RELCH: variants seen among roughly 807,000 people sequenced by gnomAD.
RELCH encodes the protein RAB11-binding protein RELCH.
RELCH carries 41 observed loss-of-function variants against 150.3 expected under a neutral mutation model. The ratio of observed to expected loss-of-function variants is 0.27; its 90% CI spans 0.21 to 0.35. RELCH has a LOEUF of 0.35. RELCH is among the 10% of genes least tolerant of loss of function. RELCH has a pLI of 1.00. For missense variants in RELCH, 1,092 were observed against 1,467.8 expected, an observed-to-expected ratio of 0.74 and a Z score of 4.18; for synonymous variants, 478 against 531.8, an observed-to-expected ratio of 0.90 and a Z score of 1.39.
At chr18:62,214,832 G>A (rs886739587) in intron 2 of RELCH, among the ~76,000 whole-genome samples, 7 of 152,058 alleles carry the variant, frequency 4.6e-5, no homozygotes, top group African/African-American at 1.2e-4. Flanking sequence ...GTTTTGAGGG[G>A]ACTTTGAGCA....
intron 26 of RELCH, among the ~76,000 whole-genome samples, chr18:62,289,113 A>G (rs1191787847): frequency 2.0e-5 from 3 of 152,202 alleles, no homozygotes; most frequent in Admixed American, 6.5e-5. Flanking sequence ...ATAGAAATCT[A>G]TATAAAAGGA....
chr18:62,244,912 T>C lies in RELCH; in HGVS notation c.1733+36T>C, dbSNP rs192274432. 2.2e-5 allele frequency: 30 copies of C among 1,335,176 alleles called. No homozygotes were observed. In the Admixed American group the frequency reaches 3.7e-4, roughly 16 times the overall value. 82.7% of individuals were successfully genotyped at this position (1,335,176 alleles called of 1,614,324 possible). A position where few individuals can be genotyped will look rare whatever the true frequency, so the allele number is the denominator to read the frequency against. On this transcript the variant is annotated intron_variant, in intron 11 of 28. Transcript: ENST00000644646. Reference sequence around the variant, plus strand: ...TTACATATGTGAAAAAGAAATACAATGTGACTTACTGATTTTAACTAATTA... The same window carrying C: ...TTACATATGTGAAAAAGAAATACAACGTGACTTACTGATTTTAACTAATTA...
In RELCH at chr18:62,261,425, A is replaced by G. The variant is rs531174023; in HGVS notation, c.2203-86A>G. On this transcript the variant is annotated intron_variant, in intron 15 of 28. Transcript: ENST00000644646. ...AAGGTCCTTAAATCTTTGATTTGCC[A>G]CAGTAAGGAAGAACATCATACATAA... 7.2e-6 allele frequency: 9 copies of G among 1,245,696 alleles called. No homozygotes were observed. In the South Asian group the frequency reaches 1.2e-4, roughly 16 times the overall value. 77.2% of individuals were successfully genotyped at this position (1,245,696 alleles called of 1,614,324 possible). A position where few individuals can be genotyped will look rare whatever the true frequency, so the allele number is the denominator to read the frequency against.
At chr18:62,297,384 G>T (rs1330784219) in intron 27 of RELCH, among the ~76,000 whole-genome samples, 1 of 151,896 alleles carries the variant, frequency 6.6e-6, no homozygotes, top group Non-Finnish European at 1.5e-5. Context: ...AAGATTACCA[G>T]TCATTTAGAA....
intron 16 of RELCH, among the ~76,000 whole-genome samples, chr18:62,263,328 A>G (rs1307231922): frequency 6.6e-6 from 1 of 151,988 alleles, no homozygotes; most frequent in African/African-American, 2.4e-5. Flanking sequence ...TCCTGAACAT[A>G]TCCTTCTAAT....
intron 22 of RELCH, among the ~76,000 whole-genome samples, chr18:62,278,754 T>C (rs1259233788): frequency 1.3e-5 from 2 of 152,174 alleles, no homozygotes; most frequent in East Asian, 3.8e-4. Flanking sequence ...TGTATACGGC[T>C]CAGTATTGTT....
intron 26 of RELCH, among the ~76,000 whole-genome samples, chr18:62,289,687 T>G (rs893334454): frequency 1.3e-5 from 2 of 152,216 alleles, no homozygotes; most frequent in African/African-American, 4.8e-5. Flanking sequence ...ACTAAGAATC[T>G]TCTTTCATTG....
intron 28 of RELCH, among the ~76,000 whole-genome samples, chr18:62,302,310 C>A (rs546888006): frequency 1.6e-4 from 24 of 152,238 alleles, no homozygotes; most frequent in African/African-American, 5.5e-4. Context: ...GATTTAAGAA[C>A]CATTAGCAGC....
chr18:62,252,880 C>A, intron 12 of RELCH, 126 bp downstream of exon 12: 4 of 686,868 alleles, frequency 5.8e-6, no homozygotes, highest in Non-Finnish European at 1.0e-5. Context: ...TTTCTGTAGC[C>A]CAGCACAGTG....
rs1156823543 is a variant in RELCH, at chr18:62,274,012, A to T, written c.2793A>T (p.Leu931Phe). 6.2e-7 allele frequency: 1 copy of T among 1,612,814 alleles called. No homozygotes were observed. Among genetic ancestry groups the T allele is most frequent in the African/African-American group, 1.3e-5 (1 of 74,886 alleles). Residue 931 changes from leucine to phenylalanine, a missense_variant, in exon 21 of 29, where the codon TTA becomes TTT. This residue lies in a region of RELCH where 707 missense variants were observed against 1,025.4 expected (regional missense o/e 0.69). Coordinates refer to ENST00000644646, the MANE Select transcript of RELCH (RefSeq NM_001346231.2). ...EEDRKLLVGF[L>F]EDVMTLLSLS... ...ACCGAAAACTGTTAGTTGGATTCTT[A>T]GAAGATGTAATGACGCTGCTTTCAT...
intron 27 of RELCH, among the ~76,000 whole-genome samples, chr18:62,297,548 C>T (rs893405993): frequency 4.6e-5 from 7 of 152,118 alleles, no homozygotes; most frequent in Middle Eastern, 3.2e-3. Flanking sequence ...ATGCTATAAC[C>T]TGTGAGACAA....
chr18:62,210,544 A>G (rs1362916177), intron 1 of RELCH, among the ~76,000 whole-genome samples: 1 of 152,118 alleles, frequency 6.6e-6, no homozygotes, highest in Non-Finnish European at 1.5e-5. Context: ...TTCTATTAGC[A>G]TTTTTTACAT....
chr18:62,215,619 A>G (rs1322605897), intron 2 of RELCH, among the ~76,000 whole-genome samples: 2 of 152,192 alleles, frequency 1.3e-5, no homozygotes, highest in African/African-American at 4.8e-5. Context: ...TATTTTATTT[A>G]ATCTTGTTAG....
chr18:62,278,030 T>A (rs2044307740), intron 22 of RELCH: 1 of 160,386 alleles, frequency 6.2e-6, no homozygotes, highest in Non-Finnish European at 1.3e-5. Context: ...ATATTGATGA[T>A]ATTTGTACTT....
In RELCH at chr18:62,307,926, A is replaced by T. The variant is rs578077932; in HGVS notation, c.*2392A>T. The T allele has an allele frequency of 6.6e-6, 1 of 152,276 alleles. No individual in the cohort carries two copies. The highest frequency in any genetic ancestry group is 2.4e-5 in the African/African-American group (1 of 41,554). The allele number at this position is 152,276 out of a possible 1,614,324, so 9.4% of individuals were successfully genotyped here. ...CTATACATAGGTGTCTATGACCTTC[A>T]TTGGTTTGCATTATTCACCCCTTTA... On this transcript the variant is annotated 3_prime_UTR_variant, in exon 29 of 29. Coordinates refer to ENST00000644646, the MANE Select transcript of RELCH (RefSeq NM_001346231.2).
rs755356449 is a variant in RELCH at position 62,291,532 on chromosome 18, C to T, written c.3371-11C>T. 1 of 1,579,904 alleles carries T rather than the reference C, an allele frequency of 6.3e-7. No individual in the cohort carries two copies. The highest frequency in any genetic ancestry group is 1.1e-5 in the South Asian group (1 of 87,990). On this transcript the variant is annotated splice_polypyrimidine_tract_variant and intron_variant, in intron 26 of 28. Coordinates refer to ENST00000644646, the MANE Select transcript of RELCH (RefSeq NM_001346231.2). ...GGTTTTGTTTAATTCCCTTAACTAC[C>T]TTGTCCCAAGTCATTTCAGAGGATT...
intron 1 of RELCH, among the ~76,000 whole-genome samples, chr18:62,206,718 A>G (rs28661907): frequency 0.097 from 14,806 of 151,994 alleles, 851 homozygotes; most frequent in East Asian, 0.19. Context: ...TTTAATAGAG[A>G]AGCAGTTAAA....
chr18:62,255,604 G>A (rs2042956779), intron 13 of RELCH, 126 bp downstream of exon 13: 1 of 713,658 alleles, frequency 1.4e-6, no homozygotes, highest in Non-Finnish European at 2.3e-6. Context: ...GAAAAGAGAT[G>A]ATCCAAAAAA....
intron 26 of RELCH, among the ~76,000 whole-genome samples, chr18:62,290,488 G>C (rs2045059955): frequency 6.6e-6 from 1 of 152,130 alleles, no homozygotes; most frequent in African/African-American, 2.4e-5. Flanking sequence ...CCAAGATTGT[G>C]CCACTGCACT....
Sources: allele counts gnomAD v4.1 joint callset (sites outside exome capture counted in the v4.1 genomes callset), GRCh38; gene constraint gnomAD v4.1.1; regional missense constraint gnomAD v4.1.1; transcripts MANE v1.5; gene names NCBI Gene and HGNC (gene_info 2026-07-23, HGNC 2026-07-21).